The following TPST1 variants were observed in gnomAD, a reference collection of about 807,000 sequenced individuals.
TPST1 encodes protein-tyrosine sulfotransferase 1.
Under a neutral mutation model 34.8 loss-of-function variants are expected in TPST1, and 20 were observed. The ratio of observed to expected loss-of-function variants is 0.57; its 90% confidence interval spans 0.40 to 0.84. TPST1 has a LOEUF of 0.84. TPST1 is among the 40% of genes least tolerant of loss of function. TPST1 has a pLI of 0.00. For missense variants in TPST1, 353 were observed against 455.5 expected, an observed-to-expected ratio of 0.78 and a Z score of 2.05; for synonymous variants, 152 against 159.4, an observed-to-expected ratio of 0.95 and a Z score of 0.35.
chr7:66,248,292 C>G (rs933739867), intron 2 of TPST1, among the ~76,000 whole-genome samples: 1 of 151,926 alleles, frequency 6.6e-6, no homozygotes, highest in African/African-American at 2.4e-5. Flanking sequence ...TGTTCGGAAC[C>G]TTGGTAGATG....
chr7:66,199,965 C>G, the TPST1 span, among the ~76,000 whole-genome samples: 2 of 151,772 alleles, frequency 1.3e-5, no homozygotes, highest in African/African-American at 2.4e-5. Context: ...CTCCTCACCT[C>G]GTGATCTGCC....
At chr7:66,340,804 A>C (rs1792221898) in intron 3 of TPST1, among the ~76,000 whole-genome samples, 1 of 152,206 alleles carries the variant, frequency 6.6e-6, no homozygotes, top group Admixed American at 6.5e-5. Flanking sequence ...ATTGTTATGG[A>C]GTTCGAGACC....
chr7:66,279,572 T>G (rs1790891672), intron 2 of TPST1, among the ~76,000 whole-genome samples: 1 of 152,212 alleles, frequency 6.6e-6, no homozygotes, highest in African/African-American at 2.4e-5. Flanking sequence ...TTCTTTGTTT[T>G]GTTTTGTTTT....
intron 3 of TPST1, among the ~76,000 whole-genome samples, chr7:66,349,305 C>T (rs964048441): frequency 1.3e-5 from 2 of 152,180 alleles, no homozygotes; most frequent in Admixed American, 1.3e-4. Flanking sequence ...GGCGCCGTGG[C>T]TCACACCTGT....
At chr7:66,206,284 C>G (rs191989938) in intron 1 of TPST1, among the ~76,000 whole-genome samples, 2 of 152,030 alleles carry the variant, frequency 1.3e-5, no homozygotes, top group Non-Finnish European at 2.9e-5. Flanking sequence ...TATCTTCATT[C>G]GTCCTTACAT....
chr7:66,220,105 A>T (rs909915674), intron 1 of TPST1, among the ~76,000 whole-genome samples: 15 of 152,156 alleles, frequency 9.9e-5, no homozygotes, highest in African/African-American at 3.6e-4. Flanking sequence ...GTCAAACCAT[A>T]TTATAACACT....
chr7:66,359,864 C>A, intron 5 of TPST1, 31 bp from the exon 6 acceptor site: 1 of 456,670 alleles, frequency 2.2e-6, no homozygotes, highest in Non-Finnish European at 4.4e-6. Context: ...GGACTCCACA[C>A]CTGTAACCAC....
chr7:66,281,429 TAG>T (rs1381720442), intron 2 of TPST1, among the ~76,000 whole-genome samples: 2 of 152,210 alleles, frequency 1.3e-5, no homozygotes, highest in Admixed American at 6.5e-5. Context: ...ATACATCTGA[TAG>T]AGTTTGGTTA....
chr7:66,248,715 A>T (rs1168964566), intron 2 of TPST1, among the ~76,000 whole-genome samples: 1 of 151,960 alleles, frequency 6.6e-6, no homozygotes, highest in East Asian at 1.9e-4. Context: ...GGGTTTCACC[A>T]TGTTAGCCAG....
At chr7:66,246,958 T>C (rs1179638685) in intron 2 of TPST1, among the ~76,000 whole-genome samples, 1 of 152,242 alleles carries the variant, frequency 6.6e-6, no homozygotes, top group African/African-American at 2.4e-5. Context: ...AGGCAGATAG[T>C]AGTCTCTGCT....
At chr7:66,357,683 C>T (rs1316458039) in intron 5 of TPST1, among the ~76,000 whole-genome samples, 2 of 152,196 alleles carry the variant, frequency 1.3e-5, no homozygotes, top group African/African-American at 4.8e-5. Flanking sequence ...ATACCCTTGT[C>T]CCAGACTTTC....
At chr7:66,276,343 T>G (rs1231596427) in intron 2 of TPST1, among the ~76,000 whole-genome samples, 2 of 143,352 alleles carry the variant, frequency 1.4e-5, no homozygotes, top group Non-Finnish European at 3.0e-5. Flanking sequence ...GTTTTATTTC[T>G]TCTTAAATTT....
intron 3 of TPST1, among the ~76,000 whole-genome samples, chr7:66,318,850 ATGT>A (rs1420922808): frequency 2.0e-5 from 3 of 152,156 alleles, no homozygotes; most frequent in Admixed American, 6.5e-5. Flanking sequence ...AATTCTTGAA[ATGT>A]TGTTTTGTTG....
At chr7:66,226,643 TC>T (rs1446705965) in intron 1 of TPST1, among the ~76,000 whole-genome samples, 1 of 152,200 alleles carries the variant, frequency 6.6e-6, no homozygotes, top group Non-Finnish European at 1.5e-5. Context: ...GAACATACTC[TC>T]CCCCTATTAA....
intron 3 of TPST1, among the ~76,000 whole-genome samples, chr7:66,323,872 A>G (rs922196949): frequency 4.6e-5 from 7 of 152,222 alleles, no homozygotes; most frequent in South Asian, 2.1e-4. Flanking sequence ...TTACCATTTG[A>G]TCCAGCAGTT....
At chr7:66,259,972 T>G (rs938400549) in intron 2 of TPST1, among the ~76,000 whole-genome samples, 19 of 152,310 alleles carry the variant, frequency 1.2e-4, no homozygotes, top group South Asian at 1.2e-3. Flanking sequence ...GCCATAGTTT[T>G]GCCTTTTCCA....
At chr7:66,234,952 T>C (rs1030647023) in intron 1 of TPST1, among the ~76,000 whole-genome samples, 1 of 152,120 alleles carries the variant, frequency 6.6e-6, no homozygotes, top group African/African-American at 2.4e-5. Context: ...GGATTACAGG[T>C]GTGAGCCTCC....
intron 1 of TPST1, among the ~76,000 whole-genome samples, chr7:66,209,134 G>A (rs768563210): frequency 2.0e-5 from 3 of 152,202 alleles, no homozygotes; most frequent in Non-Finnish European, 2.9e-5. Context: ...TTAGCCGGGC[G>A]TGGTGGTGGG....
intron 2 of TPST1, among the ~76,000 whole-genome samples, chr7:66,243,636 T>C (rs1026517610): frequency 1.3e-5 from 2 of 150,396 alleles, no homozygotes; most frequent in East Asian, 2.0e-4. Flanking sequence ...TTTGTATTTT[T>C]GGTAGAGCCC....
Sources: gnomAD v4.1 joint callset for allele counts (sites outside exome capture counted in the v4.1 genomes callset) on GRCh38, gnomAD v4.1.1 for gene constraint, MANE v1.5 for transcripts, NCBI Gene and HGNC (gene_info 2026-07-23, HGNC 2026-07-21) for gene names.